The following COL8A2 variants were observed in gnomAD, a reference collection of about 807,000 sequenced individuals.
COL8A2 encodes collagen alpha-2(VIII) chain.
A neutral mutation model predicts 24.0 loss-of-function variants in COL8A2; 16 were observed. That is an observed-to-expected ratio of 0.67 (90% CI 0.45 to 1.01). The LOEUF is 1.01. Ranked by LOEUF, COL8A2 falls within the 50% of genes least tolerant of loss-of-function variation. COL8A2 has a pLI of 0.00. For missense variants in COL8A2, 818 were observed against 942.4 expected, an observed-to-expected ratio of 0.87 and a Z score of 1.73; for synonymous variants, 466 against 424.5, an observed-to-expected ratio of 1.10 and a Z score of -1.20.
At chr1:36,104,973 C>T (rs1017338126) in intron 2 of COL8A2, among the ~76,000 whole-genome samples, 2 of 152,124 alleles carry the variant, frequency 1.3e-5, no homozygotes, top group African/African-American at 2.4e-5. Flanking sequence ...CCCCTCGAAT[C>T]CCTGCTCTGG....
intron 2 of COL8A2, among the ~76,000 whole-genome samples, chr1:36,104,726 C>T (rs1301957109): frequency 1.3e-5 from 2 of 152,006 alleles, no homozygotes; most frequent in East Asian, 1.9e-4. Flanking sequence ...ACCCGGCAGG[C>T]GGAGCTTGCG....
chr1:36,097,854 A>G lies in COL8A2; in HGVS notation c.1827T>C (p.Thr609=), dbSNP rs1557737083. 6.2e-7 allele frequency: 1 copy of G among 1,612,896 alleles called. No individual in the cohort carries two copies. The change falls in exon 4 of 4, where the codon ACT becomes ACC. Residue 609 remains threonine (T), a synonymous_variant. Transcript: ENST00000397799. The stretch of plus-strand genomic sequence containing the variant: ...CGCCCACAGGGCAGGTGAAGATGCC[A>G]GTGGCTGGGTTGTAGCCGCTGTGGC... ...YNGHSGYNPA[T]GIFTCPVGGV... is the part of the protein sequence containing the mutation.
chr1:36,112,243 T>A (rs1643853840), intron 2 of COL8A2, among the ~76,000 whole-genome samples: 1 of 152,116 alleles, frequency 6.6e-6, no homozygotes, highest in African/African-American at 2.4e-5. Context: ...GACCTCATGA[T>A]CCGCCCGCCT....
rs2124119866 is a variant in COL8A2 at position 36,125,161 on chromosome 1, C to T, written c.-166G>A. ...CGGCTGGGCGGGCGGCGTTGGGGTC[C>T]GGGGTCCGCGCCGGCGGGGTTCCGC... is the stretch of plus-strand genomic sequence containing the variant. On this transcript the variant is annotated 5_prime_UTR_variant, in exon 1 of 4. Transcript: ENST00000397799. The surrounding 1 kb of genome is among the most constrained non-coding windows in gnomAD (Gnocchi z 4.5). The T allele has an allele frequency of 3.8e-6, 2 of 524,578 alleles. No individual in the cohort carries two copies. The highest frequency in any genetic ancestry group is 2.1e-5 in the African/African-American group (1 of 48,292). 32.5% of individuals were successfully genotyped at this position (524,578 alleles called of 1,614,324 possible). A position where few individuals can be genotyped will look rare whatever the true frequency, so the allele number is the denominator to read the frequency against.
chr1:36,095,447 A>G lies in COL8A2; in HGVS notation c.*2122T>C, dbSNP rs1319119145. On this transcript the variant is annotated 3_prime_UTR_variant, in exon 4 of 4. Transcript: ENST00000397799. ...ACTAGTGGAAAACATTTAAACTTTA[A>G]TCTTAAAAAAAAAATAGGAATCAAT... 6.6e-6 allele frequency: 1 copy of G among 152,178 alleles called. No homozygotes were observed. The highest frequency in any genetic ancestry group is 1.5e-5 in the Non-Finnish European group (1 of 68,028). 9.4% of individuals were successfully genotyped at this position (152,178 alleles called of 1,614,324 possible).
chr1:36,124,025 C>T (rs1643933348), intron 1 of COL8A2, among the ~76,000 whole-genome samples: 1 of 152,144 alleles, frequency 6.6e-6, no homozygotes, highest in Non-Finnish European at 1.5e-5. Context: ...AGCCATCCAG[C>T]TCCACGGCCC....
At position 36,123,234 on chromosome 1, in the gene COL8A2, C is replaced by T. The variant is rs1431421210; in HGVS notation, c.-62+1823G>A. 6.6e-6 allele frequency among the ~76,000 whole-genome samples: 1 copy of T among 152,180 alleles called. No homozygotes were observed. The highest frequency in any genetic ancestry group is 2.4e-5 in the African/African-American group (1 of 41,452). On this transcript the variant is annotated intron_variant, in intron 1 of 3. Transcript: ENST00000397799. The surrounding 1 kb of genome is among the most constrained non-coding windows in gnomAD (Gnocchi z 4.1). ...CGGATGGGACCAGCGCATCTGAGAC[C>T]CCACTTCCCTGTAAGAGGTGCCCCA...
chr1:36,101,644 A>C (rs1481912105), intron 2 of COL8A2, among the ~76,000 whole-genome samples: 1 of 152,254 alleles, frequency 6.6e-6, no homozygotes, highest in African/African-American at 2.4e-5. Context: ...GTGAATGTTC[A>C]TAATAGCGAT....
In COL8A2 at chr1:36,097,849, A is replaced by C. The variant is rs1340870804; in HGVS notation, c.1832T>G (p.Ile611Ser). The change falls in exon 4 of 4, where the codon ATC (isoleucine) becomes AGC (serine). Residue 611 changes from isoleucine to serine, a missense_variant. Physicochemically the swap from Ile to Ser is moderately radical, Grantham distance 142. Transcript: ENST00000397799. ...GACGCCGCCCACAGGGCAGGTGAAG[A>C]TGCCAGTGGCTGGGTTGTAGCCGCT... ...GHSGYNPATGIFTCPVGGVYY... is the reference protein window; with the variant it reads ...GHSGYNPATGSFTCPVGGVYY... 6.2e-7 allele frequency: 1 copy of C among 1,613,190 alleles called. No individual in the cohort carries two copies.
intron 1 of COL8A2, among the ~76,000 whole-genome samples, chr1:36,121,728 G>A (rs274776): frequency 0.29 from 41,120 of 143,660 alleles, 8,601 homozygotes; most frequent in East Asian, 0.59. Flanking sequence ...AAAAAAAAAA[G>A]AAAGAAAGAA....
At chr1:36,122,407 T>G (rs1643920198) in intron 1 of COL8A2, among the ~76,000 whole-genome samples, 1 of 152,188 alleles carries the variant, frequency 6.6e-6, no homozygotes, top group Non-Finnish European at 1.5e-5. Context: ...ATTCTCTTTC[T>G]GGGAGTCAGA....
intron 2 of COL8A2, among the ~76,000 whole-genome samples, chr1:36,104,088 G>A (rs914361957): frequency 4.6e-5 from 7 of 151,994 alleles, no homozygotes; most frequent in Non-Finnish European, 7.4e-5. Flanking sequence ...CAGCTACTTG[G>A]GGGGCTGCGG....
At position 36,125,098 on chromosome 1, in the gene COL8A2, G is replaced by A. The variant is rs1463340864; in HGVS notation, c.-103C>T. 1.0e-6 allele frequency: 1 copy of A among 975,708 alleles called. No homozygotes were observed. Among genetic ancestry groups the A allele is most frequent in the East Asian group, 1.1e-4 (1 of 8,720 alleles). The allele number at this position is 975,708 out of a possible 1,614,324, so 60.4% of individuals were successfully genotyped here. ...CGGGCGCCGCTCCCGGCCCTCGAGG[G>A]CGGCCCGGGCGGCGAGGGCTCCGGG... On this transcript the variant is annotated 5_prime_UTR_variant, in exon 1 of 4. Coordinates refer to ENST00000397799, the MANE Select transcript of COL8A2 (RefSeq NM_005202.4). This position sits in a 1 kb window ranked among gnomAD's most constrained non-coding sequence, Gnocchi z 4.5.
intron 1 of COL8A2, among the ~76,000 whole-genome samples, chr1:36,124,353 G>C (rs1455425192): frequency 6.6e-6 from 1 of 152,190 alleles, no homozygotes; most frequent in Non-Finnish European, 1.5e-5. Flanking sequence ...CGGGGCTAGG[G>C]TGGCTCCAGA....
intron 2 of COL8A2, among the ~76,000 whole-genome samples, chr1:36,113,250 GTGTCTCTGACATCTC>G (rs1470504244): frequency 1.3e-5 from 2 of 152,162 alleles, no homozygotes; most frequent in African/African-American, 4.8e-5. Flanking sequence ...TGCCTCCTGT[GTGTCTCTGACATCTC>G]TGTCTCTGTG....
Position 36,097,217 on chromosome 1 carries a change from A to C in COL8A2, c.*352T>G. ...CTCCAGCAGGTGCCATCAGGGAGCCAGTGGGAAGGGCTGTCTCCCCACGTG... is the reference window on the plus strand; with the variant it reads ...CTCCAGCAGGTGCCATCAGGGAGCCCGTGGGAAGGGCTGTCTCCCCACGTG... On this transcript the variant is annotated 3_prime_UTR_variant, in exon 4 of 4. Coordinates refer to ENST00000397799, the MANE Select transcript of COL8A2 (RefSeq NM_005202.4). 4.3e-6 allele frequency: 1 copy of C among 233,690 alleles called. No individual in the cohort carries two copies. The highest frequency in any genetic ancestry group is 8.5e-6 in the Non-Finnish European group (1 of 118,150). The allele number at this position is 233,690 out of a possible 1,614,324, so 14.5% of individuals were successfully genotyped here.
At position 36,102,676 on chromosome 1, in the gene COL8A2, T is replaced by TTG. The variant is rs1553177895; in HGVS notation, c.-16-2419_-16-2418insCA. 3.7e-5 allele frequency among the ~76,000 whole-genome samples: 5 copies of TTG among 135,820 alleles called. No individual in the cohort carries two copies. In the East Asian group the frequency reaches 6.1e-4, roughly 17 times the overall value. 89.1% of individuals were successfully genotyped at this position (135,820 alleles called of 152,430 possible). ...ATCTATAAAGCTGGTTTTTTGTTTT[T>TTG]TTTTTTTTTTTTTGAGATGGAGTCT... On this transcript the variant is annotated intron_variant, in intron 2 of 3. Coordinates refer to ENST00000397799, the MANE Select transcript of COL8A2 (RefSeq NM_005202.4).
rs922971525 is a variant in COL8A2, at chr1:36,125,212, G to T, written c.-217C>A. ...GTCGCTCTGCCGGCCGCCCCTCGCG[G>T]CTGCCGGAGTGGGCGGGCGGCAGGA... On this transcript the variant is annotated 5_prime_UTR_variant, in exon 1 of 4. Transcript: ENST00000397799. This position sits in a 1 kb window ranked among gnomAD's most constrained non-coding sequence, Gnocchi z 4.5. The T allele has an allele frequency of 1.3e-4, 41 of 326,612 alleles. No homozygotes were observed. In the East Asian group the frequency reaches 6.0e-3, roughly 48 times the overall value. The allele number at this position is 326,612 out of a possible 1,614,324, so 20.2% of individuals were successfully genotyped here.
At chr1:36,109,291 C>T (rs939661635) in intron 2 of COL8A2, among the ~76,000 whole-genome samples, 4 of 152,226 alleles carry the variant, frequency 2.6e-5, no homozygotes, top group Non-Finnish European at 4.4e-5. Context: ...TTGCTCTCTG[C>T]GCTCTTGCTG....
Sources: allele counts gnomAD v4.1 joint callset (sites outside exome capture counted in the v4.1 genomes callset), GRCh38; gene constraint gnomAD v4.1.1; non-coding constraint Gnocchi (gnomAD v3.1); transcripts MANE v1.5; gene names NCBI Gene and HGNC (gene_info 2026-07-23, HGNC 2026-07-21).